Variants in PCDHGB1 observed in about 807,000 individuals in gnomAD.
PCDHGB1 encodes protocadherin gamma-B1.
In PCDHGB1, 34 loss-of-function variants were observed where a neutral mutation model predicts 56.6. The ratio of observed to expected loss-of-function variants is 0.60; its 90% CI spans 0.46 to 0.80. PCDHGB1 has a LOEUF of 0.80. Among genes scored for constraint, PCDHGB1 ranks in the 30% least tolerant of loss-of-function variants. The probability of loss-of-function intolerance (pLI) is 0.00; values close to 1 mark genes in which losing one functional copy is unlikely to be tolerated. For missense variants in PCDHGB1, 1,278 were observed against 1,204.6 expected (o/e 1.06, Z -0.90); for synonymous variants, 561 against 505.9 (o/e 1.11, Z -1.46).
At chr5:141,394,259 G>T (rs1367261725) in intron 1 of PCDHGB1, 3 of 1,613,936 alleles carry the variant, frequency 1.9e-6, no homozygotes, top group African/African-American at 2.7e-5. Context: ...CCGACAGCCA[G>T]GAGAATGCCC....
Position 141,476,702 on chromosome 5 carries a change from C to CTGG in PCDHGB1, c.2410-18102_2410-18100dup, listed in dbSNP as rs1562056101. On this transcript the variant is annotated intron_variant, in intron 1 of 3. Coordinates refer to ENST00000523390, the MANE Select transcript of PCDHGB1 (RefSeq NM_018922.3). This position sits in a 1 kb window ranked among gnomAD's most constrained non-coding sequence, Gnocchi z 7.6. ...GGAGGACAGCACCAAGTACGCGGAG[C>CTGG]TGGTGTTGGAGCGCGCCCTGGACCG... 5 of 1,614,222 alleles carry CTGG rather than the reference C, an allele frequency of 3.1e-6. No homozygotes were observed. The highest frequency in any genetic ancestry group is 4.2e-6 in the Non-Finnish European group (5 of 1,180,042).
chr5:141,503,045 G>A (rs543484478), intron 2 of PCDHGB1, among the ~76,000 whole-genome samples: 1 of 151,702 alleles, frequency 6.6e-6, no homozygotes, highest in South Asian at 2.1e-4. Context: ...AGTTGAGACA[G>A]GGTTTCACCA....
intron 2 of PCDHGB1, among the ~76,000 whole-genome samples, chr5:141,504,909 G>C (rs948719729): frequency 6.6e-6 from 1 of 152,002 alleles, no homozygotes; most frequent in Non-Finnish European, 1.5e-5. Context: ...ACTATGACAG[G>C]AAGCCAGGCT....
intron 1 of PCDHGB1, among the ~76,000 whole-genome samples, chr5:141,444,152 ATTTTTTTTTTTTTTTT>A (rs747671382): frequency 6.3e-3 from 214 of 33,896 alleles, no homozygotes; most frequent in African/African-American, 0.023. Flanking sequence ...TGTGTACTGG[ATTTTTTTTTTTTTTTT>A]TTTTTTTTTT....
intron 1 of PCDHGB1, among the ~76,000 whole-genome samples, chr5:141,402,432 TA>T (rs1325787840): frequency 6.6e-6 from 1 of 152,042 alleles, no homozygotes; most frequent in Non-Finnish European, 1.5e-5. Flanking sequence ...TGAAGCATCA[TA>T]AAAAGGAAAT....
At chr5:141,507,932 G>C (rs2099865030) in intron 3 of PCDHGB1, 1 of 152,338 alleles carries the variant, frequency 6.6e-6, no homozygotes, top group Admixed American at 6.5e-5. Context: ...TGCTGAGAGG[G>C]GTTAAGTAAG....
chr5:141,384,284 C>T (rs1588966005), intron 1 of PCDHGB1: 1 of 1,613,854 alleles, frequency 6.2e-7, no homozygotes. Context: ...GTCTACATCG[C>T]TGAGAACAAC....
chr5:141,354,205 T>C (rs1162440808), intron 1 of PCDHGB1, among the ~76,000 whole-genome samples: 1 of 152,210 alleles, frequency 6.6e-6, no homozygotes, highest in Non-Finnish European at 1.5e-5. Flanking sequence ...CAGTCTAACT[T>C]TTCTTTTTAT....
chr5:141,389,276 G>T (rs375882135), intron 1 of PCDHGB1: 4 of 1,613,858 alleles, frequency 2.5e-6, no homozygotes, highest in South Asian at 2.2e-5. Flanking sequence ...AGAACAACCC[G>T]CCTGGAGCCT....
chr5:141,400,345 A>C lies in PCDHGB1; in HGVS notation c.2409+47676A>C, dbSNP rs757500171. On this transcript the variant is annotated intron_variant, in intron 1 of 3. Transcript: ENST00000523390. ...TGGACCTGTGGTTCCCCCCAACTACAGTCAGGGGACTTTGCCTTATTCCTA... is the reference window on the plus strand; with the variant it reads ...TGGACCTGTGGTTCCCCCCAACTACCGTCAGGGGACTTTGCCTTATTCCTA... 1.9e-6 allele frequency: 3 copies of C among 1,614,040 alleles called. No homozygotes were observed. In the South Asian group the frequency reaches 3.3e-5, roughly 18 times the overall value.
intron 1 of PCDHGB1, chr5:141,374,693 G>A (rs1222347266): frequency 6.2e-7 from 1 of 1,609,316 alleles, no homozygotes; most frequent in Non-Finnish European, 8.5e-7. Flanking sequence ...GGACCGGGAA[G>A]GAGAAGCCGT....
intron 1 of PCDHGB1, chr5:141,390,099 C>G: frequency 6.2e-7 from 1 of 1,614,052 alleles, no homozygotes; most frequent in Non-Finnish European, 8.5e-7. Context: ...CGTGGTTCCC[C>G]CCAACTACAG....
intron 1 of PCDHGB1, chr5:141,430,592 C>A (rs2097296542): frequency 1.8e-6 from 1 of 544,568 alleles, no homozygotes; most frequent in Non-Finnish European, 2.9e-6. Flanking sequence ...TCGCCTTGCA[C>A]GCGCCTGAAG....
intron 1 of PCDHGB1, chr5:141,370,646 A>G: frequency 1.2e-6 from 2 of 1,613,916 alleles, no homozygotes; most frequent in Non-Finnish European, 1.7e-6. Context: ...ATGGGAACTT[A>G]CTTGTGAGCG....
intron 1 of PCDHGB1, among the ~76,000 whole-genome samples, chr5:141,467,790 C>T (rs1321576171): frequency 6.6e-6 from 1 of 152,118 alleles, no homozygotes; most frequent in Non-Finnish European, 1.5e-5. Context: ...TCTCAAGTAG[C>T]TGGGACTACA....
At chr5:141,410,662 C>T (rs770245568) in intron 1 of PCDHGB1, 1 of 1,572,090 alleles carries the variant, frequency 6.4e-7, no homozygotes, top group Admixed American at 1.9e-5. Context: ...TAATAGTCTA[C>T]TAGTTTCTCA....
At chr5:141,386,140 G>A (rs1246033956) in intron 1 of PCDHGB1, 1 of 152,170 alleles carries the variant, frequency 6.6e-6, no homozygotes, top group African/African-American at 2.4e-5. Context: ...TACTGGCTTT[G>A]TTTCAACTGT....
chr5:141,352,790 G>A, intron 1 of PCDHGB1, 121 bp downstream of exon 1: 2 of 1,007,032 alleles, frequency 2.0e-6, no homozygotes, highest in South Asian at 1.6e-5. Context: ...AGGAGTTTGA[G>A]ACCAGCATAG....
At chr5:141,469,743 A>G (rs1166798506) in intron 1 of PCDHGB1, among the ~76,000 whole-genome samples, 1 of 152,252 alleles carries the variant, frequency 6.6e-6, no homozygotes, top group Non-Finnish European at 1.5e-5. Context: ...CACCTCAAAA[A>G]TTACAAAAAT....
Sources: allele counts gnomAD v4.1 joint callset (sites outside exome capture counted in the v4.1 genomes callset), GRCh38; gene constraint gnomAD v4.1.1; non-coding constraint Gnocchi (gnomAD v3.1); transcripts MANE v1.5; gene names NCBI Gene and HGNC (gene_info 2026-07-23, HGNC 2026-07-21).